Variants in DPP3 observed in about 807,000 individuals in gnomAD.
The protein encoded by DPP3 is DPP III.
A neutral mutation model predicts 89.8 loss-of-function variants in DPP3; 64 were observed. That is an observed-to-expected ratio of 0.71 (90% confidence interval 0.58 to 0.88). The LOEUF is 0.88. Among genes scored for constraint, DPP3 ranks in the 40% least tolerant of loss-of-function variants. The probability of loss-of-function intolerance (pLI) is 0.00; values close to 1 mark genes in which losing one functional copy is unlikely to be tolerated. For synonymous variants in DPP3, 377 were observed against 404.3 expected (o/e 0.93, Z 0.81); for missense variants, 835 against 972.5 (o/e 0.86, Z 1.88).
At chr11:66,482,505 T>C (rs1590730134) in intron 2 of DPP3, 35 bp downstream of exon 2, 3 of 1,588,412 alleles carry the variant, frequency 1.9e-6, no homozygotes, top group East Asian at 4.5e-5. Context: ...ATTACCTGAG[T>C]GGCTTCTGGG....
intron 16 of DPP3, among the ~76,000 whole-genome samples, chr11:66,503,560 C>T (rs1267688269): frequency 6.6e-6 from 1 of 152,084 alleles, no homozygotes; most frequent in African/African-American, 2.4e-5. Flanking sequence ...TGTTGTAACA[C>T]ACCAAAAATA....
chr11:66,482,592 G>A, intron 2 of DPP3, 122 bp downstream of exon 2: 1 of 1,380,702 alleles, frequency 7.2e-7, no homozygotes, highest in Non-Finnish European at 9.7e-7. Context: ...ACAAATTCAG[G>A]CACTTCCCCT....
intron 4 of DPP3, among the ~76,000 whole-genome samples, chr11:66,486,902 A>G (rs1035884662): frequency 1.3e-5 from 2 of 152,176 alleles, no homozygotes; most frequent in Non-Finnish European, 1.5e-5. Flanking sequence ...TTCTGTACAC[A>G]GGATGCCATG....
At chr11:66,486,711 G>A (rs1349729775) in intron 4 of DPP3, 34 bp downstream of exon 4, 1 of 1,466,332 alleles carries the variant, frequency 6.8e-7, no homozygotes, top group Non-Finnish European at 9.0e-7. Flanking sequence ...GGGACAGGGA[G>A]TGGAGGGAAT....
chr11:66,487,441 A>G (rs1565267525), intron 5 of DPP3, 99 bp downstream of exon 5: 2 of 1,267,114 alleles, frequency 1.6e-6, no homozygotes, highest in Non-Finnish European at 2.3e-6. Flanking sequence ...CTGCTTGACT[A>G]CTCCCTGTGT....
chr11:66,507,795 A>G (rs1003429460), intron 17 of DPP3, among the ~76,000 whole-genome samples: 1 of 150,384 alleles, frequency 6.6e-6, no homozygotes, highest in African/African-American at 2.5e-5. Flanking sequence ...CTCCGGCCTC[A>G]GCCTCCCAAA....
At position 66,487,659 on chromosome 11, in the gene DPP3, G is replaced by A. The variant is rs11227493; in HGVS notation, c.574-255G>A. Among the ~76,000 whole-genome samples, 534 of 152,272 alleles carry A rather than the reference G, an allele frequency of 3.5e-3. 13 individuals are homozygous for A. In the East Asian group the frequency reaches 0.057, roughly 16 times the overall value. ...ACCCACCTCCAGTAGCCCTGGGTTCGCAGAGGCCGTGCAGTGCCTGGCACA... is the reference window on the plus strand; with the variant it reads ...ACCCACCTCCAGTAGCCCTGGGTTCACAGAGGCCGTGCAGTGCCTGGCACA... On this transcript the variant is annotated intron_variant, in intron 5 of 17. Coordinates refer to ENST00000531863, the MANE Select transcript of DPP3 (RefSeq NM_130443.4).
chr11:66,499,688 T>C (rs1855631784), intron 16 of DPP3, among the ~76,000 whole-genome samples: 1 of 151,796 alleles, frequency 6.6e-6, no homozygotes. Flanking sequence ...GAGAATCGCT[T>C]GAATCTGGGA....
intron 17 of DPP3, among the ~76,000 whole-genome samples, chr11:66,508,238 G>A (rs186004398): frequency 2.0e-4 from 30 of 152,320 alleles, no homozygotes; most frequent in East Asian, 9.7e-4. Context: ...AGTGCTTCCC[G>A]GGGGTATTCA....
intron 6 of DPP3, among the ~76,000 whole-genome samples, chr11:66,488,788 C>T (rs1315988126): frequency 4.6e-5 from 7 of 152,218 alleles, no homozygotes; most frequent in Non-Finnish European, 7.3e-5. Context: ...CACATCCTCC[C>T]ACTCAGACTC....
Position 66,500,364 on chromosome 11 carries a change from G to A in DPP3, c.1878+2887G>A, listed in dbSNP as rs138060946. Among the ~76,000 whole-genome samples, 585 of 152,134 alleles carry A rather than the reference G, an allele frequency of 3.8e-3. 3 individuals are homozygous for A. Among genetic ancestry groups the A allele is most frequent in the African/African-American group, 0.013 (556 of 41,494 alleles). On this transcript the variant is annotated intron_variant, in intron 16 of 17. Transcript: ENST00000531863. ...GCAAGACTCCATTTCAAAAAATAAAGAAAGAAGAAACTTTTTTTAAAAAAG... is the reference window on the plus strand; with the variant it reads ...GCAAGACTCCATTTCAAAAAATAAAAAAAGAAGAAACTTTTTTTAAAAAAG...
At chr11:66,491,866 C>G in intron 9 of DPP3, 110 bp downstream of exon 9, 1 of 1,174,010 alleles carries the variant, frequency 8.5e-7, no homozygotes, top group South Asian at 1.3e-5. Flanking sequence ...ATAACCATAA[C>G]AGTAAGAACA....
Position 66,487,360 on chromosome 11 carries a change from C to T in DPP3, c.573+18C>T, listed in dbSNP as rs1202012280. 4.3e-6 allele frequency: 7 copies of T among 1,612,820 alleles called. No individual in the cohort carries two copies. The Admixed American group carries it at 1.2e-4, about 27-fold the overall frequency. On this transcript the variant is annotated intron_variant, in intron 5 of 17. Coordinates refer to ENST00000531863, the MANE Select transcript of DPP3 (RefSeq NM_130443.4). ...ACTCACAGGTTTGGGGTTAGGGGAG[C>T]TCAAGGTAGCAGAGGTTTGGTGGGG...
At chr11:66,496,733 C>A (rs985830041) in intron 15 of DPP3, among the ~76,000 whole-genome samples, 1 of 152,062 alleles carries the variant, frequency 6.6e-6, no homozygotes, top group African/African-American at 2.4e-5. Context: ...AACTTTTTGA[C>A]AAAATCAAAT....
chr11:66,487,870 C>T, intron 5 of DPP3, 44 bp from the exon 6 acceptor site: 1 of 1,584,668 alleles, frequency 6.3e-7, no homozygotes, highest in Non-Finnish European at 8.6e-7. Flanking sequence ...ACCCCACTGC[C>T]CTCTCCAGAC....
chr11:66,495,265 G>A lies in DPP3; in HGVS notation c.1449G>A (p.Glu483=), dbSNP rs139938635. 5.6e-6 allele frequency: 9 copies of A among 1,613,390 alleles called. No homozygotes were observed. The Admixed American group carries it at 1.5e-4, about 27-fold the overall frequency. The change falls in exon 13 of 18, where the codon GAG becomes GAA. Residue 483 remains glutamate, a synonymous_variant. Transcript: ENST00000531863. The part of the protein sequence containing the change: ...QETVINPETG[E]QIQSWYRSGE... Reference sequence around the variant, plus strand: ...CAGTGATCAACCCAGAGACGGGCGAGCAGGTGAGGGAGGCCTCAGCAGAGC... The same window carrying A: ...CAGTGATCAACCCAGAGACGGGCGAACAGGTGAGGGAGGCCTCAGCAGAGC...
rs767142614 is a variant in DPP3, at chr11:66,493,155, T to C, written c.1272T>C (p.Leu424=). 2 of 1,613,962 alleles carry C rather than the reference T, an allele frequency of 1.2e-6. No individual in the cohort carries two copies. Among genetic ancestry groups the C allele is most frequent in the Non-Finnish European group, 1.7e-6 (2 of 1,180,022 alleles). ...AVAYATQREK[L]TFLEEDDKDL... is the part of the protein sequence containing the mutation. ...CCTACGCCACGCAGCGGGAGAAGCT[T>C]ACCTTTCTGGAGGAGGATGACAAGG... Residue 424 remains leucine (L), a synonymous_variant, in exon 11 of 18, where the codon CTT becomes CTC. Coordinates refer to ENST00000531863, the MANE Select transcript of DPP3 (RefSeq NM_130443.4).
chr11:66,496,086 A>T (rs1258157096), intron 15 of DPP3, among the ~76,000 whole-genome samples: 2 of 152,166 alleles, frequency 1.3e-5, no homozygotes, highest in African/African-American at 2.4e-5. Context: ...TGTTACCCTC[A>T]TTTTAGAGAT....
intron 4 of DPP3, among the ~76,000 whole-genome samples, chr11:66,487,048 TA>T (rs1855249836): frequency 6.6e-6 from 1 of 152,048 alleles, no homozygotes; most frequent in African/African-American, 2.4e-5. Context: ...TGGCAAGCCT[TA>T]GGGGTGGGCC....
Sources: allele counts gnomAD v4.1 joint callset (sites outside exome capture counted in the v4.1 genomes callset), GRCh38; gene constraint gnomAD v4.1.1; transcripts MANE v1.5; gene names NCBI Gene and HGNC (gene_info 2026-07-23, HGNC 2026-07-21).